PREX2: variants seen among roughly 807,000 people sequenced by gnomAD.
PREX2 encodes phosphatidylinositol-3,4,5-trisphosphate dependent Rac exchange factor 2.
PREX2 carries 107 observed loss-of-function variants against 203.2 expected under a neutral mutation model. That is an observed-to-expected ratio of 0.53 (90% CI 0.45 to 0.62). The LOEUF (loss-of-function observed/expected upper bound fraction) is 0.62, where lower values mean the gene tolerates loss of function less well. Among genes scored for constraint, PREX2 ranks in the 20% least tolerant of loss-of-function variants. The pLI is 0.00. For missense variants in PREX2, 1,777 were observed against 1,955.9 expected (o/e 0.91, Z 1.72); for synonymous variants, 672 against 663.6 (o/e 1.01, Z -0.19).
intron 1 of PREX2, among the ~76,000 whole-genome samples, chr8:68,011,904 A>T (rs1173833828): frequency 6.6e-6 from 1 of 152,184 alleles, no homozygotes; most frequent in Non-Finnish European, 1.5e-5. Context: ...AAACACACTT[A>T]AGAAAAGATG....
intron 1 of PREX2, among the ~76,000 whole-genome samples, chr8:67,988,877 G>T (rs75728369): frequency 0.061 from 9,238 of 152,316 alleles, 328 homozygotes; most frequent in Non-Finnish European, 0.089. Context: ...CCAAGAGGCA[G>T]CATGGCCGTA....
chr8:68,157,945 A>T (rs1037592306), intron 35 of PREX2, among the ~76,000 whole-genome samples: 1 of 151,916 alleles, frequency 6.6e-6, no homozygotes, highest in Non-Finnish European at 1.5e-5. Flanking sequence ...CCCCCAAAAA[A>T]TAGTGTTACT....
At position 68,019,680 on chromosome 8, in the gene PREX2, A is replaced by C. The variant is rs1807509268; in HGVS notation, c.336+9A>C. The C allele has an allele frequency of 1.3e-6, 2 of 1,595,048 alleles. No homozygotes were observed. Among genetic ancestry groups the C allele is most frequent in the Non-Finnish European group, 1.7e-6 (2 of 1,175,134 alleles). The stretch of plus-strand genomic sequence containing the variant: ...CCTGCTTTCTTCACTTTGTAGGATA[A>C]ATTTCTTTTTATTTTAAAAGTTCTT... On this transcript the variant is annotated intron_variant, in intron 3 of 39. Coordinates refer to ENST00000288368, the MANE Select transcript of PREX2 (RefSeq NM_024870.4).
rs1401115775 is a variant in PREX2, at chr8:68,235,689, T to C, written c.*4311T>C. ...CAAAAATGGCCCCAGGATATTCCATTGAACAAATATTGACCATTATCTTCC... is the reference window on the plus strand; with the variant it reads ...CAAAAATGGCCCCAGGATATTCCATCGAACAAATATTGACCATTATCTTCC... On this transcript the variant is annotated 3_prime_UTR_variant, in exon 40 of 40. Transcript: ENST00000288368. The C allele has an allele frequency of 6.6e-6, 1 of 152,154 alleles. No individual in the cohort carries two copies. The highest frequency in any genetic ancestry group is 2.4e-5 in the African/African-American group (1 of 41,450). 9.4% of individuals were successfully genotyped at this position (152,154 alleles called of 1,614,324 possible). A position where few individuals can be genotyped will look rare whatever the true frequency, so the allele number is the denominator to read the frequency against.
At chr8:68,200,274 C>G (rs745950414) in intron 37 of PREX2, among the ~76,000 whole-genome samples, 1 of 151,962 alleles carries the variant, frequency 6.6e-6, no homozygotes, top group Non-Finnish European at 1.5e-5. Context: ...ATAACAGGGG[C>G]CTGGCAGAAA....
chr8:68,024,621 AGTTT>A (rs1333635376), intron 4 of PREX2, among the ~76,000 whole-genome samples: 4 of 151,722 alleles, frequency 2.6e-5, no homozygotes, highest in South Asian at 2.1e-4. Context: ...TGGGGTCCTC[AGTTT>A]GTTTGTTTTT....
chr8:68,050,851 G>A (rs575474271), intron 8 of PREX2, among the ~76,000 whole-genome samples: 1 of 152,140 alleles, frequency 6.6e-6, no homozygotes, highest in Non-Finnish European at 1.5e-5. Context: ...AACTCAGTCT[G>A]GGGAATATAT....
chr8:68,087,248 A>G (rs1809720554), intron 18 of PREX2, among the ~76,000 whole-genome samples: 1 of 152,208 alleles, frequency 6.6e-6, no homozygotes, highest in African/African-American at 2.4e-5. Flanking sequence ...TTAAGCAGGT[A>G]TGGTGGCTCA....
chr8:68,148,811 C>G (rs2129613728), intron 34 of PREX2, among the ~76,000 whole-genome samples: 1 of 152,308 alleles, frequency 6.6e-6, no homozygotes, highest in African/African-American at 2.4e-5. Context: ...CATTAAAAAT[C>G]TGTCAGTGAT....
At chr8:68,003,913 A>G (rs1019731547) in intron 1 of PREX2, among the ~76,000 whole-genome samples, 4 of 144,426 alleles carry the variant, frequency 2.8e-5, no homozygotes, top group Non-Finnish European at 4.5e-5. Flanking sequence ...CAGTGGCGCA[A>G]TCTCGGCTCA....
At position 68,118,600 on chromosome 8, in the gene PREX2, G is replaced by C; in HGVS notation, c.3377G>C (p.Ser1126Thr). 1 of 1,614,114 alleles carries C rather than the reference G, an allele frequency of 6.2e-7. No individual in the cohort carries two copies. The highest frequency in any genetic ancestry group is 1.1e-5 in the South Asian group (1 of 91,080). Reference sequence around the variant, plus strand: ...ATCGCCTCCTTCACCAGCATCTGCAGCAGCCAGTGCAGCTCGTATTTCCAC... The same window carrying C: ...ATCGCCTCCTTCACCAGCATCTGCACCAGCCAGTGCAGCTCGTATTTCCAC... Reference protein sequence around the residue: ...NSIASFTSICSSQCSSYFHSD... With the variant: ...NSIASFTSICTSQCSSYFHSD... Residue 1126 changes from serine (S) to threonine (T), a missense_variant, in exon 27 of 40, where the codon AGC becomes ACC. Physicochemically the swap from Ser to Thr is moderately conservative, Grantham distance 58. Coordinates refer to ENST00000288368, the MANE Select transcript of PREX2 (RefSeq NM_024870.4).
intron 1 of PREX2, among the ~76,000 whole-genome samples, chr8:68,006,125 G>GC (rs1335238827): frequency 3.9e-5 from 6 of 152,162 alleles, no homozygotes; most frequent in Non-Finnish European, 8.8e-5. Context: ...TTAGCAGTTT[G>GC]CTGGTCCCCT....
chr8:67,969,162 G>T (rs1440543737), intron 1 of PREX2, among the ~76,000 whole-genome samples: 1 of 152,052 alleles, frequency 6.6e-6, no homozygotes, highest in Non-Finnish European at 1.5e-5. Flanking sequence ...TGTTTGGTTG[G>T]GGTTATCACT....
chr8:68,187,030 C>CT (rs35395127), intron 35 of PREX2, among the ~76,000 whole-genome samples: 22,140 of 144,794 alleles, frequency 0.15, 1,696 homozygotes, highest in African/African-American at 0.19. Flanking sequence ...TCAATGACAA[C>CT]TTTTTTTTTT....
chr8:68,086,091 A>G (rs920708806), intron 18 of PREX2, among the ~76,000 whole-genome samples: 3 of 152,216 alleles, frequency 2.0e-5, no homozygotes, highest in Admixed American at 1.3e-4. Context: ...GTGTTATTCA[A>G]AGGAAATGAA....
chr8:67,954,288 A>T (rs950254026), intron 1 of PREX2, among the ~76,000 whole-genome samples: 3 of 152,012 alleles, frequency 2.0e-5, no homozygotes, highest in Non-Finnish European at 2.9e-5. Flanking sequence ...GTGCCTGTTT[A>T]TGTTTATATG....
At chr8:68,224,159 C>A (rs1296343479) in intron 38 of PREX2, among the ~76,000 whole-genome samples, 1 of 152,078 alleles carries the variant, frequency 6.6e-6, no homozygotes, top group Non-Finnish European at 1.5e-5. Flanking sequence ...GCTGGGACCA[C>A]AATTGCGTGC....
intron 6 of PREX2, among the ~76,000 whole-genome samples, chr8:68,034,333 G>C (rs1371316836): frequency 6.6e-6 from 1 of 152,116 alleles, no homozygotes. Flanking sequence ...CAGAGTCACT[G>C]ATTCATTTCA....
intron 15 of PREX2, among the ~76,000 whole-genome samples, chr8:68,079,913 C>T (rs2129611877): frequency 6.6e-6 from 1 of 152,178 alleles, no homozygotes; most frequent in Admixed American, 6.5e-5. Context: ...AAACTGAAAT[C>T]ACATTTAACC....
Sources: allele counts gnomAD v4.1 joint callset (sites outside exome capture counted in the v4.1 genomes callset), GRCh38; gene constraint gnomAD v4.1.1; transcripts MANE v1.5; gene names NCBI Gene and HGNC (gene_info 2026-07-23, HGNC 2026-07-21).